OLA1: variants seen among roughly 807,000 people sequenced by gnomAD.
OLA1 encodes obg-like ATPase 1.
Under a neutral mutation model 48.4 loss-of-function variants are expected in OLA1, and 14 were observed. That is an observed-to-expected ratio of 0.29 (90% confidence interval 0.19 to 0.45). The LOEUF is 0.45. Among genes scored for constraint, OLA1 ranks in the 20% least tolerant of loss-of-function variants. The pLI is 1.00. For missense variants in OLA1, 325 were observed against 467.1 expected, an observed-to-expected ratio of 0.70 and a Z score of 2.80; for synonymous variants, 127 against 150.4, an observed-to-expected ratio of 0.84 and a Z score of 1.14.
chr2:174,139,857 T>G (rs892013990), intron 5 of OLA1, among the ~76,000 whole-genome samples: 1 of 109,718 alleles, frequency 9.1e-6, no homozygotes, highest in African/African-American at 3.6e-5. Context: ...AGAGTGAGAC[T>G]CAGTCTCAAA....
intron 4 of OLA1, among the ~76,000 whole-genome samples, chr2:174,188,959 T>A (rs951041168): frequency 1.3e-5 from 2 of 152,150 alleles, no homozygotes; most frequent in African/African-American, 4.8e-5. Context: ...TCACCTTATA[T>A]TACTATATCT....
intron 4 of OLA1, among the ~76,000 whole-genome samples, chr2:174,203,847 T>C (rs907712965): frequency 6.7e-6 from 1 of 149,116 alleles, no homozygotes; most frequent in African/African-American, 2.5e-5. Flanking sequence ...CAGGCTGGAG[T>C]GCAACAGCAC....
intron 7 of OLA1, among the ~76,000 whole-genome samples, chr2:174,100,344 T>C (rs1301671262): frequency 1.3e-5 from 2 of 152,210 alleles, no homozygotes; most frequent in Admixed American, 6.5e-5. Context: ...CTGCTGTTGA[T>C]TGACCTCTCT....
chr2:174,144,949 A>ATATATATAT lies in OLA1; in HGVS notation c.374-2950_374-2949insATATATATA, dbSNP rs1328085797. Among the ~76,000 whole-genome samples, 63 of 57,058 alleles carry ATATATATAT rather than the reference A, an allele frequency of 1.1e-3. No individual in the cohort carries two copies. The East Asian group carries it at 0.011, about 10-fold the overall frequency. 37.4% of individuals were successfully genotyped at this position (57,058 alleles called of 152,430 possible). A position where few individuals can be genotyped will look rare whatever the true frequency, so the allele number is the denominator to read the frequency against. ...CCTGTTTAAAAAAAAAAAAAAAAAA[A>ATATATATAT]AAATATATATATATATATATATATA... On this transcript the variant is annotated intron_variant, in intron 4 of 10. Coordinates refer to ENST00000284719, the MANE Select transcript of OLA1 (RefSeq NM_013341.5).
chr2:174,078,613 C>T (rs921338513), intron 10 of OLA1, among the ~76,000 whole-genome samples: 1 of 151,772 alleles, frequency 6.6e-6, no homozygotes, highest in African/African-American at 2.4e-5. Context: ...TAATTATAAG[C>T]ATATATATTA....
intron 7 of OLA1, among the ~76,000 whole-genome samples, chr2:174,084,709 C>T (rs1339037832): frequency 1.3e-5 from 2 of 152,112 alleles, no homozygotes; most frequent in Non-Finnish European, 2.9e-5. Context: ...CAAACTATAG[C>T]TAGTCATCTC....
intron 4 of OLA1, among the ~76,000 whole-genome samples, chr2:174,184,745 CTT>C (rs890682519): frequency 3.9e-5 from 6 of 152,132 alleles, no homozygotes; most frequent in African/African-American, 1.4e-4. Flanking sequence ...ATCTGTGAAA[CTT>C]TTCTGTAAAT....
intron 5 of OLA1, among the ~76,000 whole-genome samples, chr2:174,129,812 AT>A (rs942083372): frequency 5.9e-5 from 9 of 152,200 alleles, no homozygotes; most frequent in African/African-American, 2.2e-4. Context: ...TAATCCTAAA[AT>A]TTGATGGCTA....
intron 7 of OLA1, among the ~76,000 whole-genome samples, chr2:174,120,385 T>C (rs1395807931): frequency 6.6e-6 from 1 of 152,194 alleles, no homozygotes; most frequent in Non-Finnish European, 1.5e-5. Flanking sequence ...TGTTCAAAAA[T>C]GCTTGTGCTC....
chr2:174,237,291 G>T (rs1380286193), intron 2 of OLA1, among the ~76,000 whole-genome samples: 1 of 151,398 alleles, frequency 6.6e-6, no homozygotes, highest in African/African-American at 2.4e-5. Flanking sequence ...TACACATTTT[G>T]TCCCACAGGA....
chr2:174,247,424 AC>A (rs1316659367), intron 1 of OLA1: 5 of 417,574 alleles, frequency 1.2e-5, no homozygotes, highest in African/African-American at 8.0e-5. Context: ...TCAAAGATAA[AC>A]TTAGAGTTTA....
At chr2:174,082,437 G>A (rs1488215707) in intron 7 of OLA1, among the ~76,000 whole-genome samples, 2 of 152,022 alleles carry the variant, frequency 1.3e-5, no homozygotes, top group East Asian at 3.9e-4. Context: ...AAGACATAAA[G>A]TTCTGTTTGT....
At chr2:174,146,961 C>T (rs1277486857) in intron 4 of OLA1, among the ~76,000 whole-genome samples, 1 of 152,170 alleles carries the variant, frequency 6.6e-6, no homozygotes, top group African/African-American at 2.4e-5. Context: ...CAAAGGCTCA[C>T]ATTCCAAATA....
intron 4 of OLA1, among the ~76,000 whole-genome samples, chr2:174,206,815 G>T (rs1688125807): frequency 6.6e-6 from 1 of 152,112 alleles, no homozygotes; most frequent in African/African-American, 2.4e-5. Flanking sequence ...CATTGAATTT[G>T]TACTGAAGAA....
intron 7 of OLA1, among the ~76,000 whole-genome samples, chr2:174,116,829 T>TA (rs1290866761): frequency 6.6e-6 from 1 of 152,206 alleles, no homozygotes; most frequent in Non-Finnish European, 1.5e-5. Flanking sequence ...CATACATACA[T>TA]ACATTCATAC....
chr2:174,112,920 C>T (rs1310516895), intron 7 of OLA1, among the ~76,000 whole-genome samples: 3 of 152,128 alleles, frequency 2.0e-5, no homozygotes, highest in Non-Finnish European at 4.4e-5. Context: ...TCAACTCCCT[C>T]ACCCCATCAC....
At chr2:174,237,391 C>T (rs548426010) in intron 2 of OLA1, among the ~76,000 whole-genome samples, 13 of 152,112 alleles carry the variant, frequency 8.5e-5, no homozygotes, top group Middle Eastern at 3.4e-3. Flanking sequence ...GAACTGCCAA[C>T]GGCTGTTTTA....
chr2:174,242,909 A>G (rs1042910679), intron 2 of OLA1, among the ~76,000 whole-genome samples: 4 of 152,232 alleles, frequency 2.6e-5, no homozygotes, highest in South Asian at 2.1e-4. Context: ...TTTCTACTTC[A>G]TTAAAAGAGG....
intron 4 of OLA1, among the ~76,000 whole-genome samples, chr2:174,171,460 A>C (rs1316997192): frequency 6.6e-6 from 1 of 152,228 alleles, no homozygotes; most frequent in Non-Finnish European, 1.5e-5. Context: ...AATCAATAAC[A>C]GTAAGAATGT....
Sources: gnomAD v4.1 joint callset for allele counts (sites outside exome capture counted in the v4.1 genomes callset) on GRCh38, gnomAD v4.1.1 for gene constraint, MANE v1.5 for transcripts, NCBI Gene and HGNC (gene_info 2026-07-23, HGNC 2026-07-21) for gene names.